CYB5R4: variants seen among roughly 807,000 people sequenced by gnomAD.
The protein encoded by CYB5R4 is N-terminal cytochrome b5 and cytochrome b5 oxidoreductase domain-containing protein.
In CYB5R4, 55 loss-of-function variants were observed where a neutral mutation model predicts 70.2. The ratio of observed to expected loss-of-function variants is 0.78; its 90% CI spans 0.63 to 0.98. The LOEUF is 0.98. CYB5R4 is among the 50% of genes least tolerant of loss of function. The probability of loss-of-function intolerance (pLI) is 0.00; values close to 1 mark genes in which losing one functional copy is unlikely to be tolerated. For synonymous variants in CYB5R4, 197 were observed against 199.5 expected (o/e 0.99, Z 0.11); for missense variants, 562 against 612.6 (o/e 0.92, Z 0.87).
chr6:83,910,816 A>G (rs2099464562), intron 4 of CYB5R4, among the ~76,000 whole-genome samples: 1 of 152,222 alleles, frequency 6.6e-6, no homozygotes, highest in Admixed American at 6.5e-5. Context: ...AATACAGCAT[A>G]TGCTGTGATT....
chr6:83,870,971 C>CTTTTTTTTTTTTTTTTTT (rs759131653), intron 2 of CYB5R4, among the ~76,000 whole-genome samples: 4 of 88,618 alleles, frequency 4.5e-5, no homozygotes, highest in African/African-American at 9.9e-5. Context: ...TCATTGTTTG[C>CTTTTTTTTTTTTTTTTTT]TTTTTTTTTT....
chr6:83,869,254 G>T (rs920997926), intron 2 of CYB5R4, among the ~76,000 whole-genome samples: 4 of 152,124 alleles, frequency 2.6e-5, no homozygotes, highest in Admixed American at 2.6e-4. Flanking sequence ...AGATTTCTAG[G>T]TTCATTTACA....
At chr6:83,866,813 C>T (rs2099456793) in intron 2 of CYB5R4, among the ~76,000 whole-genome samples, 1 of 151,974 alleles carries the variant, frequency 6.6e-6, no homozygotes, top group Non-Finnish European at 1.5e-5. Flanking sequence ...GAGATAGGGT[C>T]TTGCTCTGTT....
intron 10 of CYB5R4, among the ~76,000 whole-genome samples, chr6:83,932,675 C>G (rs370054323): frequency 6.6e-5 from 10 of 151,958 alleles, no homozygotes; most frequent in African/African-American, 2.4e-4. Context: ...CCCTCTGTAT[C>G]TAGAACCATG....
chr6:83,952,084 AG>A (rs1289154076), intron 14 of CYB5R4, among the ~76,000 whole-genome samples: 1 of 152,158 alleles, frequency 6.6e-6, no homozygotes, highest in Non-Finnish European at 1.5e-5. Context: ...TTTTTACACT[AG>A]AGTGGATTGG....
chr6:83,900,831 T>C (rs2129136013), intron 3 of CYB5R4, among the ~76,000 whole-genome samples: 1 of 152,300 alleles, frequency 6.6e-6, no homozygotes. Context: ...TAGATCTTCC[T>C]CCATCCCTTA....
chr6:83,920,113 G>C (rs908994506), intron 7 of CYB5R4, among the ~76,000 whole-genome samples: 1 of 152,148 alleles, frequency 6.6e-6, no homozygotes, highest in African/African-American at 2.4e-5. Context: ...TTACAGTCCA[G>C]CTGGAAAATC....
intron 2 of CYB5R4, among the ~76,000 whole-genome samples, chr6:83,891,433 A>G (rs978715833): frequency 6.6e-5 from 10 of 152,192 alleles, no homozygotes; most frequent in Non-Finnish European, 1.5e-4. Flanking sequence ...CAGGGGTCCA[A>G]GTTTTTAGTT....
chr6:83,938,291 G>A (rs965875542), intron 12 of CYB5R4, among the ~76,000 whole-genome samples: 3 of 152,258 alleles, frequency 2.0e-5, no homozygotes, highest in East Asian at 1.9e-4. Context: ...AGATTTTTGC[G>A]AACATAGCAG....
chr6:83,937,028 A>G (rs2099469020), intron 12 of CYB5R4, among the ~76,000 whole-genome samples: 3 of 152,200 alleles, frequency 2.0e-5, no homozygotes, highest in South Asian at 2.1e-4. Flanking sequence ...TAATCCCAGC[A>G]CTTTGGGAGG....
intron 2 of CYB5R4, among the ~76,000 whole-genome samples, chr6:83,882,010 C>A (rs1052360334): frequency 5.9e-5 from 9 of 152,208 alleles, no homozygotes; most frequent in African/African-American, 1.7e-4. Flanking sequence ...GTGATTATAG[C>A]TGATTATCTC....
chr6:83,901,103 G>A (rs941826194), intron 3 of CYB5R4, among the ~76,000 whole-genome samples: 5 of 137,746 alleles, frequency 3.6e-5, no homozygotes, highest in East Asian at 2.0e-4. Context: ...GGCTGGTGCC[G>A]GTTGTTCCTT....
rs562781223 is a variant in CYB5R4, at chr6:83,884,480, C to A, written c.230-9042C>A. On this transcript the variant is annotated intron_variant, in intron 2 of 15. Coordinates refer to ENST00000369681, the MANE Select transcript of CYB5R4 (RefSeq NM_016230.4). ...AAAAAGGGTCATTTCATTAGGAAAACTGTTTATGCCTGTGATAGAAAAGAT... is the reference window on the plus strand; with the variant it reads ...AAAAAGGGTCATTTCATTAGGAAAAATGTTTATGCCTGTGATAGAAAAGAT... Among the ~76,000 whole-genome samples the A allele has an allele frequency of 5.3e-5, 8 of 152,160 alleles. No homozygotes were observed. The South Asian group carries it at 1.0e-3, about 20-fold the overall frequency.
chr6:83,921,647 T>C (rs1217124556), intron 8 of CYB5R4, among the ~76,000 whole-genome samples: 2 of 152,194 alleles, frequency 1.3e-5, no homozygotes, highest in African/African-American at 2.4e-5. Flanking sequence ...AGACCAACTT[T>C]GTATTTTTTT....
At chr6:83,942,356 C>T (rs1032419043) in intron 14 of CYB5R4, among the ~76,000 whole-genome samples, 3 of 152,152 alleles carry the variant, frequency 2.0e-5, no homozygotes, top group South Asian at 2.1e-4. Flanking sequence ...TTGTCTCACC[C>T]GGGAAGCTCA....
chr6:83,919,427 CA>C lies in CYB5R4; in HGVS notation c.538del (p.Thr180ProfsTer13). The C allele has an allele frequency of 6.6e-7, 1 of 1,517,832 alleles. No homozygotes were observed. Among genetic ancestry groups the C allele is most frequent in the Non-Finnish European group, 9.0e-7 (1 of 1,113,644 alleles). 94.0% of individuals were successfully genotyped at this position (1,517,832 alleles called of 1,614,324 possible). ...ATTGGTTCCAAACAGACTCTTTAGT[CA>C]CCATTGCCATATATACTAAACAGAA... Reference protein sequence around the residue: ...YDWFQTDSLVTIAIYTKQKDI... With the variant: ...YDWFQTDSLVXIAIYTKQKDI... On this transcript the variant is annotated frameshift_variant, in exon 7 of 16. Transcript: ENST00000369681. LOFTEE classifies it high-confidence loss of function.
intron 4 of CYB5R4, among the ~76,000 whole-genome samples, chr6:83,913,037 T>C (rs1246339241): frequency 3.3e-5 from 5 of 152,220 alleles, no homozygotes; most frequent in Non-Finnish European, 7.3e-5. Flanking sequence ...TCTGTGAACC[T>C]CTTAGGTAAA....
At chr6:83,917,748 TA>T (rs1292102254) in intron 5 of CYB5R4, among the ~76,000 whole-genome samples, 1 of 152,110 alleles carries the variant, frequency 6.6e-6, no homozygotes, top group Non-Finnish European at 1.5e-5. Context: ...ATGGTGTTAG[TA>T]GTCAGAATAC....
intron 14 of CYB5R4, among the ~76,000 whole-genome samples, chr6:83,945,145 C>G (rs894444477): frequency 6.6e-6 from 1 of 152,186 alleles, no homozygotes; most frequent in African/African-American, 2.4e-5. Context: ...CCACATAGCA[C>G]TTATTCTAAA....
Sources: gnomAD v4.1 joint callset for allele counts (sites outside exome capture counted in the v4.1 genomes callset) on GRCh38, gnomAD v4.1.1 for gene constraint, MANE v1.5 for transcripts, NCBI Gene and HGNC (gene_info 2026-07-23, HGNC 2026-07-21) for gene names.